Variants in TLN2 observed in about 807,000 individuals in gnomAD.
TLN2 encodes talin 2.
In TLN2, 118 loss-of-function variants were observed where a neutral mutation model predicts 294.7. The observed-to-expected ratio is 0.40, with a 90% CI of 0.34 to 0.47. The LOEUF is 0.47. TLN2 is among the 20% of genes least tolerant of loss of function. The probability of loss-of-function intolerance (pLI) is 0.84; values close to 1 mark genes in which losing one functional copy is unlikely to be tolerated. For synonymous variants in TLN2, 1,431 were observed against 1,304.5 expected (o/e 1.10, Z -2.09); for missense variants, 3,083 against 3,282.2 (o/e 0.94, Z 1.48).
intron 16 of TLN2, among the ~76,000 whole-genome samples, chr15:62,700,142 A>G (rs983148871): frequency 6.6e-6 from 1 of 152,208 alleles, no homozygotes; most frequent in Admixed American, 6.5e-5. Flanking sequence ...CAGAGTACAA[A>G]CATGTATGGC....
Position 62,652,133 on chromosome 15 carries a change from A to G in TLN2, c.363A>G (p.Ile121Met), listed in dbSNP as rs867262357. The G allele has an allele frequency of 6.3e-7, 1 of 1,580,930 alleles. No homozygotes were observed. The highest frequency in any genetic ancestry group is 1.7e-4 in the Middle Eastern group (1 of 5,916). ...GELLVTICSR[I>M]GITNYEEYSL... ...TCCTGGTCACTATTTGTAGCAGAAT[A>G]GGTGAGCATTCATACACCTTCATTA... The change falls in exon 6 of 59, where the codon ATA becomes ATG. Residue 121 changes from isoleucine to methionine, a missense_variant and splice_region_variant. Transcript: ENST00000636159.
At chr15:62,582,400 T>A (rs1003578029) in intron 1 of TLN2, among the ~76,000 whole-genome samples, 2 of 152,128 alleles carry the variant, frequency 1.3e-5, no homozygotes, top group Non-Finnish European at 2.9e-5. Flanking sequence ...GATAAAAATA[T>A]GGGAGAAGCC....
At position 62,843,353 on chromosome 15, in the gene TLN2, G is replaced by GTCTT. The variant is rs1189694396; in HGVS notation, c.*2745_*2748dup. On this transcript the variant is annotated 3_prime_UTR_variant, in exon 59 of 59. Coordinates refer to ENST00000636159, the MANE Select transcript of TLN2 (RefSeq NM_015059.3). ...TAGATTTTACTTGGGCCTTTCAGGAGTCTTTAGATAGGGATGCTGAGGTCA... is the reference window on the plus strand; with the variant it reads ...TAGATTTTACTTGGGCCTTTCAGGAGTCTTTCTTTAGATAGGGATGCTGAGGTCA... 2.0e-5 allele frequency: 3 copies of GTCTT among 152,252 alleles called. No individual in the cohort carries two copies. Among genetic ancestry groups the GTCTT allele is most frequent in the Non-Finnish European group, 4.4e-5 (3 of 68,046 alleles). 9.4% of individuals were successfully genotyped at this position (152,252 alleles called of 1,614,324 possible). A position where few individuals can be genotyped will look rare whatever the true frequency, so the allele number is the denominator to read the frequency against.
intron 34 of TLN2, among the ~76,000 whole-genome samples, chr15:62,751,591 C>T (rs1344149751): frequency 6.6e-6 from 1 of 152,230 alleles, no homozygotes; most frequent in Non-Finnish European, 1.5e-5. Context: ...AGTCTCTCCA[C>T]AGGGTAAAAC....
intron 1 of TLN2, among the ~76,000 whole-genome samples, chr15:62,586,509 A>T (rs910605970): frequency 6.6e-5 from 10 of 152,264 alleles, no homozygotes; most frequent in Non-Finnish European, 1.2e-4. Flanking sequence ...CATGTATTAC[A>T]TGGGACTCCT....
intron 19 of TLN2, among the ~76,000 whole-genome samples, chr15:62,706,309 G>C (rs973254565): frequency 1.8e-4 from 28 of 152,362 alleles, no homozygotes; most frequent in African/African-American, 6.7e-4. Context: ...AATCTGGTAG[G>C]CTCAATCAAA....
At position 62,638,358 on chromosome 15, in the gene TLN2, C is replaced by A; in HGVS notation, c.-36-8917C>A. 5 of 362,686 alleles carry A rather than the reference C, an allele frequency of 1.4e-5. 1 individual carries two copies. The highest frequency in any genetic ancestry group is 1.0e-4 in the South Asian group (5 of 47,890). The allele number at this position is 362,686 out of a possible 1,614,324, so 22.5% of individuals were successfully genotyped here. ...CTATGACAGTGATAGGCAGCAAATG[C>A]ACATATCCATTTTTATAGCAAAGTT... is the stretch of plus-strand genomic sequence containing the variant. On this transcript the variant is annotated intron_variant, in intron 3 of 58. Coordinates refer to ENST00000636159, the MANE Select transcript of TLN2 (RefSeq NM_015059.3).
chr15:62,494,854 G>T (rs1007094980), intron 1 of TLN2, among the ~76,000 whole-genome samples: 1 of 152,156 alleles, frequency 6.6e-6, no homozygotes, highest in Non-Finnish European at 1.5e-5. Context: ...GGACTGTGAC[G>T]CTGTCCCTTA....
At chr15:62,763,748 C>T in intron 40 of TLN2, 53 bp downstream of exon 40, 2 of 1,511,174 alleles carry the variant, frequency 1.3e-6, no homozygotes, top group Non-Finnish European at 8.9e-7. Flanking sequence ...TGTTGAAAAA[C>T]CTTAGCATCA....
At chr15:62,502,159 C>T (rs1023547836) in intron 1 of TLN2, among the ~76,000 whole-genome samples, 3 of 152,174 alleles carry the variant, frequency 2.0e-5, no homozygotes, top group African/African-American at 2.4e-5. Context: ...GGAAGCTTTA[C>T]GGAGTTGTGG....
chr15:62,752,860 C>G (rs1366450072), intron 35 of TLN2, among the ~76,000 whole-genome samples: 1 of 152,072 alleles, frequency 6.6e-6, no homozygotes, highest in Non-Finnish European at 1.5e-5. Context: ...TGGCACATTC[C>G]TTGCCCTTCT....
intron 28 of TLN2, among the ~76,000 whole-genome samples, chr15:62,730,834 T>C (rs2060686145): frequency 6.6e-6 from 1 of 152,220 alleles, no homozygotes; most frequent in African/African-American, 2.4e-5. Context: ...GGGTTGCAAG[T>C]GCTCGTTGAA....
intron 8 of TLN2, among the ~76,000 whole-genome samples, chr15:62,657,460 A>T (rs1056166604): frequency 1.3e-5 from 2 of 152,228 alleles, no homozygotes; most frequent in African/African-American, 4.8e-5. Context: ...TGATCATTTC[A>T]TATGAGTTTC....
At chr15:62,695,049 C>A (rs976344524) in intron 14 of TLN2, among the ~76,000 whole-genome samples, 2 of 152,166 alleles carry the variant, frequency 1.3e-5, no homozygotes, top group Admixed American at 6.5e-5. Context: ...ATAGCACTTG[C>A]TATTATAACT....
At chr15:62,411,532 TA>T (rs1205106778) in intron 1 of TLN2, among the ~76,000 whole-genome samples, 5 of 151,738 alleles carry the variant, frequency 3.3e-5, no homozygotes, top group East Asian at 1.9e-4. Context: ...AAGTTTGATA[TA>T]TTTTTTTTTC....
chr15:62,455,238 T>A (rs184289301), intron 1 of TLN2, among the ~76,000 whole-genome samples: 145 of 151,788 alleles, frequency 9.6e-4, no homozygotes, highest in African/African-American at 3.3e-3. Flanking sequence ...AGGTCAGCAA[T>A]ATTGCAGTTT....
At chr15:62,442,258 G>A (rs2035582369) in intron 1 of TLN2, among the ~76,000 whole-genome samples, 1 of 152,004 alleles carries the variant, frequency 6.6e-6, no homozygotes, top group Non-Finnish European at 1.5e-5. Context: ...CACTTGGGAA[G>A]GCCGAGGTGA....
intron 54 of TLN2, chr15:62,830,430 T>C (rs2068703987): frequency 6.6e-6 from 1 of 152,472 alleles, no homozygotes; most frequent in African/African-American, 2.4e-5. Flanking sequence ...TTCTGCATTT[T>C]AATTGGGATT....
At chr15:62,830,983 A>G (rs574926564) in intron 54 of TLN2, 3 of 152,240 alleles carry the variant, frequency 2.0e-5, no homozygotes, top group South Asian at 4.2e-4. Context: ...ATTACCAGAA[A>G]AATCTGTGGG....
Sources: allele counts gnomAD v4.1 joint callset (sites outside exome capture counted in the v4.1 genomes callset), GRCh38; gene constraint gnomAD v4.1.1; transcripts MANE v1.5; gene names NCBI Gene and HGNC (gene_info 2026-07-23, HGNC 2026-07-21).